BMP6: variants seen among roughly 807,000 people sequenced by gnomAD.
BMP6 encodes VG-1-R.
A neutral mutation model predicts 54.1 loss-of-function variants in BMP6; 17 were observed. That is an observed-to-expected ratio of 0.31 (90% CI 0.22 to 0.47). The LOEUF (loss-of-function observed/expected upper bound fraction) is 0.47, where lower values mean the gene tolerates loss of function less well. BMP6 is among the 20% of genes least tolerant of loss of function. The pLI is 1.00. For missense variants in BMP6, 720 were observed against 690.4 expected, an observed-to-expected ratio of 1.04 and a Z score of -0.48; for synonymous variants, 328 against 291.2, an observed-to-expected ratio of 1.13 and a Z score of -1.28.
At chr6:7,757,234 A>T (rs1260463585) in intron 1 of BMP6, among the ~76,000 whole-genome samples, 1 of 152,218 alleles carries the variant, frequency 6.6e-6, no homozygotes, top group East Asian at 1.9e-4. Flanking sequence ...GGATGACTTT[A>T]AACAACAAAG....
intron 2 of BMP6, among the ~76,000 whole-genome samples, chr6:7,856,745 C>A (rs1466839131): frequency 6.7e-6 from 1 of 149,760 alleles, no homozygotes; most frequent in Non-Finnish European, 1.5e-5. Context: ...TACAGGCGCC[C>A]GCCACTACGC....
chr6:7,822,263 G>T (rs1172598330), intron 1 of BMP6, among the ~76,000 whole-genome samples: 1 of 152,174 alleles, frequency 6.6e-6, no homozygotes, highest in Non-Finnish European at 1.5e-5. Context: ...CATGTGATCT[G>T]CCCGCCTTGG....
chr6:7,774,641 G>A (rs1243539016), intron 1 of BMP6, among the ~76,000 whole-genome samples: 2 of 151,650 alleles, frequency 1.3e-5, no homozygotes, highest in South Asian at 2.1e-4. Context: ...GCCAAGAGGC[G>A]GAGGTTGTAG....
chr6:7,827,871 G>A (rs930356423), intron 1 of BMP6, among the ~76,000 whole-genome samples: 6 of 152,164 alleles, frequency 3.9e-5, no homozygotes, highest in Non-Finnish European at 8.8e-5. Context: ...GCACCCAAAA[G>A]CACCTTGGTA....
At chr6:7,777,239 C>T (rs555737655) in intron 1 of BMP6, among the ~76,000 whole-genome samples, 2 of 152,308 alleles carry the variant, frequency 1.3e-5, no homozygotes, top group East Asian at 1.9e-4. Context: ...CTGAGTCATT[C>T]GGATTAGCCC....
In BMP6 at chr6:7,782,072, G is replaced by A. The variant is rs72827081; in HGVS notation, c.664+54453G>A. On this transcript the variant is annotated intron_variant, in intron 1 of 6. Coordinates refer to ENST00000283147, the MANE Select transcript of BMP6 (RefSeq NM_001718.6). ...GGTGGTGGCTTGAATGGCAGAGGAG[G>A]TGGAGAGAAGCAAATGAACTTGAGA... is the stretch of plus-strand genomic sequence containing the variant. Among the ~76,000 whole-genome samples, 1,400 of 151,344 alleles carry A rather than the reference G, an allele frequency of 9.3e-3. 57 individuals are homozygous for A. The highest frequency in any genetic ancestry group is 0.014 in the Non-Finnish European group (971 of 67,534).
intron 1 of BMP6, among the ~76,000 whole-genome samples, chr6:7,730,031 G>C (rs62389984): frequency 0.028 from 4,290 of 152,298 alleles, 84 homozygotes; most frequent in Middle Eastern, 0.082. Context: ...CAAGATCTCA[G>C]GTGATGTCAG....
intron 1 of BMP6, among the ~76,000 whole-genome samples, chr6:7,736,659 A>G (rs1407646698): frequency 6.6e-6 from 1 of 152,250 alleles, no homozygotes; most frequent in African/African-American, 2.4e-5. Flanking sequence ...AATAAATATG[A>G]GAATACAATA....
chr6:7,862,309 G>A lies in BMP6; in HGVS notation c.1015G>A (p.Val339Ile), dbSNP rs1477718187. ...TTTGATTTGCATTAAAGGAGTCCAC[G>A]TCCACCCCCGAGCCGCAGGCCTGGT... is the stretch of plus-strand genomic sequence containing the variant. ...LSVVTRDGVH[V>I]HPRAAGLVGR... The change falls in exon 4 of 7, where the codon GTC (valine) becomes ATC (isoleucine). Residue 339 changes from valine to isoleucine, a missense_variant. Physicochemically the swap from Val to Ile is conservative, Grantham distance 29. This residue lies in a region of BMP6 where 650 missense variants were observed against 556.3 expected (regional missense o/e 1.17). Coordinates refer to ENST00000283147, the MANE Select transcript of BMP6 (RefSeq NM_001718.6). The A allele has an allele frequency of 1.2e-6, 2 of 1,614,150 alleles. No homozygotes were observed. Among genetic ancestry groups the A allele is most frequent in the South Asian group, 1.1e-5 (1 of 91,074 alleles).
At chr6:7,743,381 G>A (rs550318284) in intron 1 of BMP6, among the ~76,000 whole-genome samples, 83 of 152,150 alleles carry the variant, frequency 5.5e-4, no homozygotes, top group Non-Finnish European at 1.0e-4. Flanking sequence ...CCATTTGGCC[G>A]GCTTCTGTTA....
At chr6:7,803,352 G>C (rs1424148757) in intron 1 of BMP6, among the ~76,000 whole-genome samples, 3 of 152,100 alleles carry the variant, frequency 2.0e-5, no homozygotes, top group African/African-American at 7.2e-5. Flanking sequence ...TGAAGGGTTT[G>C]AGCATAGCTG....
At chr6:7,865,060 A>G (rs1759397149) in intron 4 of BMP6, among the ~76,000 whole-genome samples, 1 of 152,116 alleles carries the variant, frequency 6.6e-6, no homozygotes, top group Non-Finnish European at 1.5e-5. Flanking sequence ...ACTTCACTTG[A>G]TTTTATTCAG....
chr6:7,769,184 A>G (rs1338518593), intron 1 of BMP6, among the ~76,000 whole-genome samples: 1 of 152,208 alleles, frequency 6.6e-6, no homozygotes, highest in Non-Finnish European at 1.5e-5. Context: ...GGCTAAAGGT[A>G]GGGGAATTGA....
intron 1 of BMP6, among the ~76,000 whole-genome samples, chr6:7,738,795 T>C (rs1164235710): frequency 6.6e-6 from 1 of 152,246 alleles, no homozygotes; most frequent in Non-Finnish European, 1.5e-5. Flanking sequence ...GCAACCATCA[T>C]GGCAGGGAAG....
chr6:7,871,783 G>A (rs1231763212), intron 4 of BMP6, among the ~76,000 whole-genome samples: 1 of 152,230 alleles, frequency 6.6e-6, no homozygotes, highest in African/African-American at 2.4e-5. Context: ...CAGCAGGGCA[G>A]TAGCGCTACC....
At chr6:7,861,730 C>A in intron 3 of BMP6, 131 bp downstream of exon 3, 2 of 1,329,372 alleles carry the variant, frequency 1.5e-6, no homozygotes, top group Non-Finnish European at 2.1e-6. Context: ...TTTACTGATC[C>A]CCCATGACTT....
rs573443813 is a variant in BMP6, at chr6:7,858,581, C to A, written c.858-2870C>A. 8.2e-4 allele frequency among the ~76,000 whole-genome samples: 124 copies of A among 152,062 alleles called. 1 individual carries two copies. The South Asian group carries it at 0.025, about 30-fold the overall frequency. On this transcript the variant is annotated intron_variant, in intron 2 of 6. Coordinates refer to ENST00000283147, the MANE Select transcript of BMP6 (RefSeq NM_001718.6). ...GATATGTGACGGCTAAGGACCTGGG[C>A]CCTGATTAAATTCCATTTGCCCCAC...
chr6:7,729,806 A>G (rs1761819830), intron 1 of BMP6, among the ~76,000 whole-genome samples: 1 of 152,184 alleles, frequency 6.6e-6, no homozygotes, highest in African/African-American at 2.4e-5. Flanking sequence ...CCTTAAAAAA[A>G]CCCAGATGCC....
chr6:7,782,245 C>A (rs1271768656), intron 1 of BMP6, among the ~76,000 whole-genome samples: 1 of 142,758 alleles, frequency 7.0e-6, no homozygotes, highest in African/African-American at 2.5e-5. Context: ...CTCTAGGAAG[C>A]CCCCCACACC....
Sources: gnomAD v4.1 joint callset for allele counts (sites outside exome capture counted in the v4.1 genomes callset) on GRCh38, gnomAD v4.1.1 for gene constraint, gnomAD v4.1.1 regional missense constraint, MANE v1.5 for transcripts, NCBI Gene and HGNC (gene_info 2026-07-23, HGNC 2026-07-21) for gene names.